The following CSNK1A1 variants were observed in gnomAD, a reference collection of about 807,000 sequenced individuals.
The protein encoded by CSNK1A1 is casein kinase I isoform alpha.
Under a neutral mutation model 46.1 loss-of-function variants are expected in CSNK1A1, and 7 were observed. The ratio of observed to expected loss-of-function variants is 0.15; its 90% CI spans 0.09 to 0.29. The LOEUF (loss-of-function observed/expected upper bound fraction) is 0.29. Ranked by LOEUF, CSNK1A1 falls within the 10% of genes least tolerant of loss-of-function variation. CSNK1A1 has a pLI of 1.00. For missense variants in CSNK1A1, 96 were observed against 417.1 expected, an observed-to-expected ratio of 0.23 and a Z score of 6.71; for synonymous variants, 137 against 141.5, an observed-to-expected ratio of 0.97 and a Z score of 0.23.
At chr5:149,527,167 C>T (rs980430236) in intron 2 of CSNK1A1, among the ~76,000 whole-genome samples, 14 of 151,846 alleles carry the variant, frequency 9.2e-5, no homozygotes, top group Admixed American at 2.6e-4. Flanking sequence ...TTGCTCTGTC[C>T]GACAGGCTCG....
At chr5:149,544,073 T>C (rs759398004) in intron 2 of CSNK1A1, among the ~76,000 whole-genome samples, 1 of 152,206 alleles carries the variant, frequency 6.6e-6, no homozygotes, top group Non-Finnish European at 1.5e-5. Flanking sequence ...CCAGTGACAC[T>C]TTTAAGTAGG....
chr5:149,548,505 T>C (rs1762549673), intron 2 of CSNK1A1, among the ~76,000 whole-genome samples: 2 of 151,974 alleles, frequency 1.3e-5, no homozygotes, highest in African/African-American at 4.8e-5. Flanking sequence ...AGGCGGAGGC[T>C]GCAGTTAGCC....
intron 9 of CSNK1A1, chr5:149,503,597 C>A: frequency 1.0e-6 from 1 of 984,834 alleles, no homozygotes; most frequent in East Asian, 1.1e-4. Context: ...GTTGCTTTTA[C>A]AAAAAATAGC....
rs565413148 is a variant in CSNK1A1, at chr5:149,538,295, T to C, written c.230+11780A>G. Among the ~76,000 whole-genome samples, 5 of 152,236 alleles carry C rather than the reference T, an allele frequency of 3.3e-5. No homozygotes were observed. In the East Asian group the frequency reaches 7.7e-4, roughly 24 times the overall value. On this transcript the variant is annotated intron_variant, in intron 2 of 9. Coordinates refer to ENST00000377843, the MANE Select transcript of CSNK1A1 (RefSeq NM_001892.6). ...CCTCGGCCACCCAATGTGCTGGGAT[T>C]ACAGGCATGAGCCACCGCGCCCGGC... is the stretch of plus-strand genomic sequence containing the variant.
At chr5:149,526,721 T>C (rs1761734993) in intron 2 of CSNK1A1, among the ~76,000 whole-genome samples, 1 of 152,184 alleles carries the variant, frequency 6.6e-6, no homozygotes, top group African/African-American at 2.4e-5. Context: ...TGGGCACCCA[T>C]TAACCCTTGA....
intron 9 of CSNK1A1, chr5:149,499,049 C>A: frequency 2.0e-6 from 2 of 985,356 alleles, no homozygotes; most frequent in Non-Finnish European, 2.4e-6. Context: ...GACATTCCAG[C>A]CAGGGATCAA....
chr5:149,503,005 A>T (rs1701991298), intron 9 of CSNK1A1: 2 of 907,800 alleles, frequency 2.2e-6, no homozygotes, highest in South Asian at 1.0e-4. Context: ...GCCTCAAGTG[A>T]TCTGCTTGCC....
At chr5:149,505,233 G>T (rs1760985438) in intron 9 of CSNK1A1, 4 of 1,295,054 alleles carry the variant, frequency 3.1e-6, no homozygotes, top group Non-Finnish European at 2.9e-6. Flanking sequence ...ACACATATAT[G>T]TATATACAAA....
At chr5:149,549,106 T>C (rs1762576643) in intron 2 of CSNK1A1, among the ~76,000 whole-genome samples, 1 of 152,180 alleles carries the variant, frequency 6.6e-6, no homozygotes, top group Non-Finnish European at 1.5e-5. Flanking sequence ...TCACCAATAT[T>C]CCACACCAAC....
rs1041695989 is a variant in CSNK1A1 at position 149,501,153 on chromosome 5, G to A, written c.1007-4293C>T. On this transcript the variant is annotated intron_variant, in intron 9 of 9. Transcript: ENST00000377843. ...GATCTAACAAGTTGCAGAATTTGAA[G>A]GTCCAGCAGTCTTGGAGACATGGAC... 10 of 985,212 alleles carry A rather than the reference G, an allele frequency of 1.0e-5. No homozygotes were observed. In the African/African-American group the frequency reaches 1.7e-4, roughly 17 times the overall value. The allele number at this position is 985,212 out of a possible 1,614,324, so 61.0% of individuals were successfully genotyped here.
intron 4 of CSNK1A1, 150 bp from the exon 5 acceptor site, chr5:149,513,359 C>G (rs1326447544): frequency 4.3e-6 from 3 of 692,342 alleles, no homozygotes; most frequent in African/African-American, 3.7e-5. Context: ...ACAGACTTAA[C>G]ACCCCCCCAT....
At chr5:149,546,938 A>G (rs1356953236) in intron 2 of CSNK1A1, among the ~76,000 whole-genome samples, 1 of 152,174 alleles carries the variant, frequency 6.6e-6, no homozygotes, top group African/African-American at 2.4e-5. Flanking sequence ...GTTTACATAA[A>G]TCTTTATCCT....
intron 2 of CSNK1A1, among the ~76,000 whole-genome samples, chr5:149,537,290 C>T (rs569289069): frequency 2.0e-4 from 31 of 152,192 alleles, no homozygotes; most frequent in African/African-American, 6.5e-4. Context: ...GCAGGAGAAT[C>T]GCTTGAACCC....
intron 2 of CSNK1A1, chr5:149,549,328 G>GA: frequency 1.6e-6 from 1 of 606,082 alleles, no homozygotes; most frequent in South Asian, 1.9e-5. Flanking sequence ...TTCACGAAAA[G>GA]AAAGAGTAAT....
At chr5:149,500,524 G>A (rs1253372527) in intron 9 of CSNK1A1, among the ~76,000 whole-genome samples, 2 of 151,984 alleles carry the variant, frequency 1.3e-5, no homozygotes, top group African/African-American at 4.8e-5. Flanking sequence ...CGATCTGCCC[G>A]CCTCAGCCTC....
chr5:149,497,800 T>A (rs1760700418), intron 9 of CSNK1A1: 6 of 985,502 alleles, frequency 6.1e-6, no homozygotes, highest in African/African-American at 3.5e-5. Context: ...CAGGTCATGT[T>A]TTCTTCAATC....
intron 2 of CSNK1A1, among the ~76,000 whole-genome samples, chr5:149,526,346 T>C (rs1394950079): frequency 1.3e-5 from 2 of 152,114 alleles, no homozygotes; most frequent in Non-Finnish European, 1.5e-5. Context: ...TTCAAATTTC[T>C]TGTAAAGGCA....
At chr5:149,503,634 GT>G (rs1760941074) in intron 9 of CSNK1A1, 1 of 985,242 alleles carries the variant, frequency 1.0e-6, no homozygotes, top group African/African-American at 1.7e-5. Flanking sequence ...GATTAAACAA[GT>G]TTAATTACAG....
chr5:149,550,760 G>C lies in CSNK1A1; in HGVS notation c.123+82C>G. The C allele has an allele frequency of 1.3e-6, 2 of 1,589,212 alleles. No homozygotes were observed. Among genetic ancestry groups the C allele is most frequent in the Non-Finnish European group, 8.6e-7 (1 of 1,164,390 alleles). On this transcript the variant is annotated intron_variant, in intron 1 of 9. Transcript: ENST00000377843. This position sits in a 1 kb window ranked among gnomAD's most constrained non-coding sequence, Gnocchi z 4.3. ...GAGTGCGTGCGATGAGGAGAGGCCC[G>C]AGCACTTTGGGGGTGCACGGTGGTG...
Sources: allele counts gnomAD v4.1 joint callset (sites outside exome capture counted in the v4.1 genomes callset), GRCh38; gene constraint gnomAD v4.1.1; non-coding constraint Gnocchi (gnomAD v3.1); transcripts MANE v1.5; gene names NCBI Gene and HGNC (gene_info 2026-07-23, HGNC 2026-07-21).